Variants in MTUS2 observed in about 807,000 individuals in gnomAD.
MTUS2 encodes the protein microtubule-associated tumor suppressor candidate 2.
MTUS2 carries 40 observed loss-of-function variants against 114.1 expected under a neutral mutation model. That is an observed-to-expected ratio of 0.35 (90% CI 0.27 to 0.46). The LOEUF (loss-of-function observed/expected upper bound fraction) is 0.46, where lower values mean the gene tolerates loss of function less well. Ranked by LOEUF, MTUS2 falls within the 20% of genes least tolerant of loss-of-function variation. The pLI is 1.00. For synonymous variants in MTUS2, 688 were observed against 672.0 expected, an observed-to-expected ratio of 1.02 and a Z score of -0.37; for missense variants, 1,679 against 1,705.4, an observed-to-expected ratio of 0.98 and a Z score of 0.27.
At chr13:29,185,925 G>A (rs1463828553) in intron 5 of MTUS2, among the ~76,000 whole-genome samples, 1 of 152,164 alleles carries the variant, frequency 6.6e-6, no homozygotes, top group Non-Finnish European at 1.5e-5. Context: ...AGAATGTTAA[G>A]GCTAGGCCTG....
At chr13:29,305,887 A>G (rs1899427623) in intron 6 of MTUS2, among the ~76,000 whole-genome samples, 1 of 152,232 alleles carries the variant, frequency 6.6e-6, no homozygotes, top group African/African-American at 2.4e-5. Flanking sequence ...AAAAATCCTC[A>G]GGAAAATACT....
chr13:28,949,890 G>A (rs1418351596), intron 2 of MTUS2, among the ~76,000 whole-genome samples: 1 of 152,178 alleles, frequency 6.6e-6, no homozygotes, highest in Non-Finnish European at 1.5e-5. Flanking sequence ...TGGCTATTGT[G>A]ACTAATGCTG....
chr13:29,195,190 A>G (rs923446843), intron 5 of MTUS2, among the ~76,000 whole-genome samples: 1 of 151,598 alleles, frequency 6.6e-6, no homozygotes, highest in Non-Finnish European at 1.5e-5. Context: ...ACATGTATAC[A>G]TATGTAACTA....
At chr13:28,842,199 GA>G (rs1167054209) in intron 2 of MTUS2, among the ~76,000 whole-genome samples, 1 of 151,246 alleles carries the variant, frequency 6.6e-6, no homozygotes, top group East Asian at 1.9e-4. Flanking sequence ...ATGTTTTGAA[GA>G]AAAAAATGTG....
chr13:29,370,123 G>T (rs1871079911), intron 8 of MTUS2, among the ~76,000 whole-genome samples: 1 of 152,192 alleles, frequency 6.6e-6, no homozygotes, highest in Admixed American at 6.5e-5. Context: ...GCTGAGGTGG[G>T]TGGATCGCTT....
intron 4 of MTUS2, among the ~76,000 whole-genome samples, chr13:29,063,718 C>A (rs927734886): frequency 1.3e-5 from 2 of 152,132 alleles, no homozygotes; most frequent in African/African-American, 4.8e-5. Flanking sequence ...ACAGTCTGGG[C>A]AGCCATGATA....
chr13:29,074,767 C>A (rs566327695), intron 4 of MTUS2, among the ~76,000 whole-genome samples: 1 of 152,140 alleles, frequency 6.6e-6, no homozygotes, highest in African/African-American at 2.4e-5. Context: ...TTTCCTTTCC[C>A]GGAACTAGTT....
intron 12 of MTUS2, among the ~76,000 whole-genome samples, chr13:29,493,087 G>A (rs1447909540): frequency 3.3e-5 from 5 of 152,180 alleles, no homozygotes; most frequent in South Asian, 2.1e-4. Flanking sequence ...CAGGGGTAAC[G>A]GTGCAAGGAG....
At chr13:29,168,228 C>A (rs989506457) in intron 5 of MTUS2, among the ~76,000 whole-genome samples, 3 of 152,196 alleles carry the variant, frequency 2.0e-5, no homozygotes, top group Non-Finnish European at 4.4e-5. Context: ...CTTTTCAACA[C>A]GTTAGCCCTT....
At chr13:28,883,990 C>G (rs746357695) in intron 2 of MTUS2, among the ~76,000 whole-genome samples, 1 of 152,042 alleles carries the variant, frequency 6.6e-6, no homozygotes, top group Non-Finnish European at 1.5e-5. Flanking sequence ...GATGTTTCCT[C>G]AAAAATTAGA....
chr13:29,006,931 C>G (rs1448166544), intron 2 of MTUS2, among the ~76,000 whole-genome samples: 1 of 152,186 alleles, frequency 6.6e-6, no homozygotes, highest in African/African-American at 2.4e-5. Context: ...TGCTCAGCCC[C>G]TGGTGAATCT....
chr13:28,937,538 C>T (rs1041140051), intron 2 of MTUS2, among the ~76,000 whole-genome samples: 14 of 152,096 alleles, frequency 9.2e-5, no homozygotes, highest in Admixed American at 7.2e-4. Context: ...GAGCTATAAG[C>T]GAAGGTCCCT....
At position 29,333,616 on chromosome 13, in the gene MTUS2, C is replaced by T. The variant is rs548366559; in HGVS notation, c.2905+8905C>T. Among the ~76,000 whole-genome samples the T allele has an allele frequency of 1.5e-4, 23 of 152,226 alleles. 2 individuals are homozygous for T. In the South Asian group the frequency reaches 4.8e-3, roughly 32 times the overall value. ...AGTTTTTTACTTCCGATTATGTGGT[C>T]AATTATAGAATAAGTGTAATGTGGT... On this transcript the variant is annotated intron_variant, in intron 7 of 15. Coordinates refer to ENST00000612955, the MANE Select transcript of MTUS2 (RefSeq NM_001033602.4).
intron 5 of MTUS2, among the ~76,000 whole-genome samples, chr13:29,221,674 T>C (rs1026725378): frequency 6.6e-6 from 1 of 152,138 alleles, no homozygotes; most frequent in Non-Finnish European, 1.5e-5. Flanking sequence ...GTTTTTAATT[T>C]TATTTTTAAT....
chr13:29,076,173 GCTT>G (rs1451823656), intron 4 of MTUS2, among the ~76,000 whole-genome samples: 1 of 152,152 alleles, frequency 6.6e-6, no homozygotes, highest in Non-Finnish European at 1.5e-5. Flanking sequence ...TCTTCATAAA[GCTT>G]CTTCTGGAAG....
intron 4 of MTUS2, among the ~76,000 whole-genome samples, chr13:29,064,948 G>A (rs1489841452): frequency 6.6e-6 from 1 of 152,170 alleles, no homozygotes; most frequent in Non-Finnish European, 1.5e-5. Context: ...TCCTGCAAAG[G>A]ATGTGATCTC....
intron 6 of MTUS2, among the ~76,000 whole-genome samples, chr13:29,285,910 T>G (rs1344610753): frequency 1.3e-5 from 2 of 152,166 alleles, no homozygotes; most frequent in African/African-American, 4.8e-5. Flanking sequence ...ACTGGCTATA[T>G]GGTGATATTA....
rs939018660 is a variant in MTUS2, at chr13:29,353,753, T to C, written c.2906-5509T>C. ...TCTACACTACTGAGCAAAACCCTTC[T>C]GAGTGCTTTACCTGATGCCCCATGA... On this transcript the variant is annotated intron_variant, in intron 7 of 15. Coordinates refer to ENST00000612955, the MANE Select transcript of MTUS2 (RefSeq NM_001033602.4). Among the ~76,000 whole-genome samples the C allele has an allele frequency of 3.9e-5, 6 of 152,378 alleles. No individual in the cohort carries two copies. In the East Asian group the frequency reaches 1.2e-3, roughly 29 times the overall value.
At chr13:29,227,673 C>T (rs1363621241) in intron 5 of MTUS2, among the ~76,000 whole-genome samples, 3 of 152,218 alleles carry the variant, frequency 2.0e-5, no homozygotes, top group Non-Finnish European at 4.4e-5. Context: ...TCTCTCTAAC[C>T]TCTGAGAGGG....
Sources: gnomAD v4.1 joint callset for allele counts (sites outside exome capture counted in the v4.1 genomes callset) on GRCh38, gnomAD v4.1.1 for gene constraint, MANE v1.5 for transcripts, NCBI Gene and HGNC (gene_info 2026-07-23, HGNC 2026-07-21) for gene names.